PCDH9: variants seen among roughly 807,000 people sequenced by gnomAD.
PCDH9 encodes the protein protocadherin 9.
PCDH9 carries 24 observed loss-of-function variants against 70.6 expected under a neutral mutation model. The observed-to-expected ratio is 0.34, with a 90% CI of 0.25 to 0.48. The LOEUF (loss-of-function observed/expected upper bound fraction) is 0.48, where lower values mean the gene tolerates loss of function less well. Ranked by LOEUF, PCDH9 falls within the 20% of genes least tolerant of loss-of-function variation. PCDH9 has a pLI of 0.99. For missense variants in PCDH9, 1,281 were observed against 1,503.6 expected, an observed-to-expected ratio of 0.85 and a Z score of 2.45; for synonymous variants, 562 against 558.5, an observed-to-expected ratio of 1.01 and a Z score of -0.09.
chr13:66,418,838 GC>G (rs143731007), intron 4 of PCDH9, among the ~76,000 whole-genome samples: 124,469 of 151,892 alleles, frequency 0.82, 52,562 homozygotes, highest in South Asian at 0.95. Context: ...TAGATAGACC[GC>G]TAGCCAGACT....
At chr13:66,874,313 T>C (rs2081757021) in intron 3 of PCDH9, among the ~76,000 whole-genome samples, 1 of 152,216 alleles carries the variant, frequency 6.6e-6, no homozygotes, top group Non-Finnish European at 1.5e-5. Context: ...AAAGGCATTT[T>C]GTATTTACAT....
chr13:66,530,613 A>G (rs951599566), intron 4 of PCDH9, among the ~76,000 whole-genome samples: 5 of 152,018 alleles, frequency 3.3e-5, no homozygotes, highest in Admixed American at 6.6e-5. Context: ...ACAATCCTCA[A>G]TATACATTAG....
At chr13:66,337,502 C>CAA (rs1204828755) in intron 4 of PCDH9, among the ~76,000 whole-genome samples, 1 of 151,962 alleles carries the variant, frequency 6.6e-6, no homozygotes, top group Non-Finnish European at 1.5e-5. Flanking sequence ...TGGTTAATCC[C>CAA]AAGACTTGCA....
chr13:67,041,163 A>C (rs563343971), intron 2 of PCDH9, among the ~76,000 whole-genome samples: 1 of 152,324 alleles, frequency 6.6e-6, no homozygotes, highest in East Asian at 1.9e-4. Flanking sequence ...ATTTTATTTC[A>C]GAACTGGATC....
chr13:67,162,248 GA>G (rs1356699140), intron 2 of PCDH9, among the ~76,000 whole-genome samples: 1 of 152,166 alleles, frequency 6.6e-6, no homozygotes, highest in Non-Finnish European at 1.5e-5. Context: ...AAGATCAAAA[GA>G]TATGTCAATA....
chr13:66,913,369 G>A (rs561120718), intron 2 of PCDH9, among the ~76,000 whole-genome samples: 2 of 152,074 alleles, frequency 1.3e-5, no homozygotes, highest in African/African-American at 2.4e-5. Flanking sequence ...TTTGCAAGTG[G>A]AGTGTTTCAT....
At chr13:66,970,766 A>C (rs1239738508) in intron 2 of PCDH9, among the ~76,000 whole-genome samples, 1 of 151,644 alleles carries the variant, frequency 6.6e-6, no homozygotes, top group Non-Finnish European at 1.5e-5. Flanking sequence ...GGGCAGTAGG[A>C]GTGTTTCTGG....
At chr13:66,658,575 A>T (rs1308564720) in intron 3 of PCDH9, among the ~76,000 whole-genome samples, 6 of 152,160 alleles carry the variant, frequency 3.9e-5, no homozygotes, top group African/African-American at 1.4e-4. Context: ...TGCCAAAATC[A>T]TTGTATTTTA....
chr13:66,617,360 A>G (rs2077368820), intron 4 of PCDH9, among the ~76,000 whole-genome samples: 1 of 152,180 alleles, frequency 6.6e-6, no homozygotes, highest in South Asian at 2.1e-4. Context: ...ATGGGTAGCC[A>G]TCATCTTCCG....
chr13:67,219,802 TATAAG>T (rs1160047628), intron 2 of PCDH9: 2 of 152,012 alleles, frequency 1.3e-5, no homozygotes, highest in African/African-American at 2.4e-5. Context: ...CAGTGAAATA[TATAAG>T]ATATTAAATG....
At chr13:66,656,307 A>G (rs963604560) in intron 3 of PCDH9, among the ~76,000 whole-genome samples, 58 of 152,316 alleles carry the variant, frequency 3.8e-4, no homozygotes, top group African/African-American at 1.4e-3. Context: ...TGTCCATCCC[A>G]ACATTAGTGA....
chr13:67,186,821 C>T (rs1293325571), intron 2 of PCDH9, among the ~76,000 whole-genome samples: 2 of 152,060 alleles, frequency 1.3e-5, no homozygotes, highest in Non-Finnish European at 1.5e-5. Context: ...TACACATTAA[C>T]TGACCATTAA....
chr13:66,336,241 G>T (rs751759964), intron 4 of PCDH9, among the ~76,000 whole-genome samples: 4 of 151,686 alleles, frequency 2.6e-5, no homozygotes, highest in Non-Finnish European at 5.9e-5. Context: ...TCAATACTCC[G>T]CTTAAAGGCT....
intron 2 of PCDH9, among the ~76,000 whole-genome samples, chr13:66,911,165 CTA>C (rs900846333): frequency 3.9e-4 from 60 of 152,222 alleles, no homozygotes; most frequent in African/African-American, 1.3e-3. Context: ...CAATAGAACT[CTA>C]TGTCAAACTT....
At chr13:66,431,927 G>A (rs1386622634) in intron 4 of PCDH9, among the ~76,000 whole-genome samples, 2 of 151,956 alleles carry the variant, frequency 1.3e-5, no homozygotes, top group South Asian at 2.1e-4. Flanking sequence ...TCAATGATCA[G>A]ATTCTAACAT....
At chr13:66,455,850 C>T (rs151165898) in intron 4 of PCDH9, among the ~76,000 whole-genome samples, 12 of 151,640 alleles carry the variant, frequency 7.9e-5, no homozygotes, top group African/African-American at 2.9e-4. Flanking sequence ...ATTTTATATA[C>T]TAAAGAAAGG....
chr13:66,412,351 T>C (rs903145463), intron 4 of PCDH9, among the ~76,000 whole-genome samples: 1 of 152,164 alleles, frequency 6.6e-6, no homozygotes, highest in Non-Finnish European at 1.5e-5. Flanking sequence ...CTTTTAGATA[T>C]GGGGTCTCAC....
intron 4 of PCDH9, among the ~76,000 whole-genome samples, chr13:66,344,295 T>A (rs1221749200): frequency 3.9e-5 from 6 of 151,976 alleles, no homozygotes; most frequent in African/African-American, 9.7e-5. Context: ...CCCAGCTAAT[T>A]TTTTGTATTT....
chr13:67,069,675 T>A (rs986116693), intron 2 of PCDH9, among the ~76,000 whole-genome samples: 3 of 152,140 alleles, frequency 2.0e-5, no homozygotes, highest in Non-Finnish European at 4.4e-5. Context: ...CTGAATTTGC[T>A]TTTTGCAGAC....
Sources: allele counts gnomAD v4.1 joint callset (sites outside exome capture counted in the v4.1 genomes callset), GRCh38; gene constraint gnomAD v4.1.1; transcripts MANE v1.5; gene names NCBI Gene and HGNC (gene_info 2026-07-23, HGNC 2026-07-21).